The following NFIA variants were observed in gnomAD, a reference collection of about 807,000 sequenced individuals.
NFIA encodes the protein nuclear factor 1 A-type.
In NFIA, 8 loss-of-function variants were observed where a neutral mutation model predicts 62.8. The ratio of observed to expected loss-of-function variants is 0.13; its 90% CI spans 0.07 to 0.23. NFIA has a LOEUF of 0.23. Among genes scored for constraint, NFIA ranks in the 10% least tolerant of loss-of-function variants. NFIA has a pLI of 1.00. For synonymous variants in NFIA, 235 were observed against 238.1 expected (o/e 0.99, Z 0.12); for missense variants, 410 against 642.1 (o/e 0.64, Z 3.91).
chr1:61,248,594 T>G (rs967320636), intron 2 of NFIA, among the ~76,000 whole-genome samples: 7 of 152,212 alleles, frequency 4.6e-5, no homozygotes, highest in Non-Finnish European at 8.8e-5. Flanking sequence ...AGACAATTAA[T>G]GAAGGGGATT....
chr1:61,143,649 C>A (rs1393519358), intron 2 of NFIA, among the ~76,000 whole-genome samples: 2 of 152,142 alleles, frequency 1.3e-5, no homozygotes, highest in Non-Finnish European at 2.9e-5. Context: ...CCTTGGCCTC[C>A]CAAAGTGCTA....
chr1:61,145,095 A>T (rs1647829914), intron 2 of NFIA, among the ~76,000 whole-genome samples: 2 of 152,160 alleles, frequency 1.3e-5, no homozygotes, highest in African/African-American at 4.8e-5. Flanking sequence ...CTGCTTGTAG[A>T]TATTTTATTC....
At chr1:61,080,916 C>A (rs1005591045), upstream of NFIA, among the ~76,000 whole-genome samples, 2 of 152,154 alleles carry the variant, frequency 1.3e-5, no homozygotes, top group Admixed American at 6.5e-5. Flanking sequence ...GTATTTCCTG[C>A]CCCTTGCTTT....
intron 6 of NFIA, among the ~76,000 whole-genome samples, chr1:61,379,440 G>A (rs993952009): frequency 9.1e-6 from 1 of 110,138 alleles, no homozygotes; most frequent in Admixed American, 1.4e-4. Context: ...ATGGAATCTT[G>A]CTCTGTCAGT....
At chr1:61,345,117 C>T (rs903777473) in intron 4 of NFIA, among the ~76,000 whole-genome samples, 1 of 152,254 alleles carries the variant, frequency 6.6e-6, no homozygotes, top group East Asian at 1.9e-4. Context: ...GGATGAATGA[C>T]TTGGAAGTAA....
At chr1:61,387,774 A>G (rs1020502399) in intron 7 of NFIA, among the ~76,000 whole-genome samples, 2 of 152,244 alleles carry the variant, frequency 1.3e-5, no homozygotes, top group South Asian at 2.1e-4. Context: ...AATTGCATAT[A>G]AATGCACACA....
intron 2 of NFIA, among the ~76,000 whole-genome samples, chr1:61,273,821 A>G (rs1003307241): frequency 6.6e-6 from 1 of 152,224 alleles, no homozygotes; most frequent in African/African-American, 2.4e-5. Context: ...TCTAGGTGAA[A>G]GGGAAGATTT....
At chr1:61,168,647 A>G (rs1649742732) in intron 2 of NFIA, among the ~76,000 whole-genome samples, 1 of 152,170 alleles carries the variant, frequency 6.6e-6, no homozygotes, top group South Asian at 2.1e-4. Context: ...TTCTTGGATT[A>G]TATTCCTTAA....
At chr1:61,429,798 C>T (rs1667023834) in intron 10 of NFIA, among the ~76,000 whole-genome samples, 1 of 152,146 alleles carries the variant, frequency 6.6e-6, no homozygotes, top group South Asian at 2.1e-4. Flanking sequence ...ACATTCTGCT[C>T]AGTGAAATAA....
At chr1:61,239,792 C>G (rs187888238) in intron 2 of NFIA, among the ~76,000 whole-genome samples, 60 of 152,168 alleles carry the variant, frequency 3.9e-4, no homozygotes, top group African/African-American at 1.4e-3. Context: ...GTCTTTTCAT[C>G]AGATAGTGTT....
chr1:61,406,552 C>G lies in NFIA; in HGVS notation c.1255-10C>G, dbSNP rs746854752. 103 of 1,250,840 alleles carry G rather than the reference C, an allele frequency of 8.2e-5. 8 individuals carry two copies. Among genetic ancestry groups the G allele is most frequent in the African/African-American group, 2.1e-4 (13 of 60,668 alleles). 77.5% of individuals were successfully genotyped at this position (1,250,840 alleles called of 1,614,324 possible). A position where few individuals can be genotyped will look rare whatever the true frequency, so the allele number is the denominator to read the frequency against. ...TGTACGTGTGTTTTCTGCCCCCCCC[C>G]CCCCCACAGCCCAATGGGAGCAGCC... On this transcript the variant is annotated splice_polypyrimidine_tract_variant and intron_variant, in intron 8 of 10. Coordinates refer to ENST00000403491, the MANE Select transcript of NFIA (RefSeq NM_001134673.4).
At chr1:61,221,866 C>T (rs1457338544) in intron 2 of NFIA, among the ~76,000 whole-genome samples, 1 of 152,092 alleles carries the variant, frequency 6.6e-6, no homozygotes, top group Non-Finnish European at 1.5e-5. Flanking sequence ...CCGTATGATG[C>T]TGTTGTCAGA....
rs1414767924 is a variant in NFIA at position 61,242,998 on chromosome 1, C to A, written c.560-34522C>A. Reference sequence around the variant, plus strand: ...CACAAGGGGTAGTCAAGAAATGTGACTTTTCGGTCCTTTTTTTAATGATTT... The same window carrying A: ...CACAAGGGGTAGTCAAGAAATGTGAATTTTCGGTCCTTTTTTTAATGATTT... On this transcript the variant is annotated intron_variant, in intron 2 of 10. Coordinates refer to ENST00000403491, the MANE Select transcript of NFIA (RefSeq NM_001134673.4). Among the ~76,000 whole-genome samples, 3 of 151,762 alleles carry A rather than the reference C, an allele frequency of 2.0e-5. No individual in the cohort carries two copies. The South Asian group carries it at 6.2e-4, about 32-fold the overall frequency.
chr1:61,162,128 A>C (rs1007863347), intron 2 of NFIA, among the ~76,000 whole-genome samples: 9 of 152,132 alleles, frequency 5.9e-5, no homozygotes, highest in African/African-American at 2.2e-4. Flanking sequence ...TTTTAAGTTG[A>C]AAAGTATGCG....
chr1:61,412,951 T>C (rs1383192646), intron 9 of NFIA, among the ~76,000 whole-genome samples: 1 of 152,066 alleles, frequency 6.6e-6, no homozygotes, highest in African/African-American at 2.4e-5. Flanking sequence ...AATGGACTTT[T>C]CCAGAAAAAA....
intron 3 of NFIA, among the ~76,000 whole-genome samples, chr1:61,295,943 G>C (rs972307302): frequency 1.3e-5 from 2 of 152,148 alleles, no homozygotes; most frequent in Non-Finnish European, 2.9e-5. Flanking sequence ...GTTGAATATG[G>C]TAACAAAGCT....
chr1:61,314,547 A>G (rs1350706793), intron 3 of NFIA, among the ~76,000 whole-genome samples: 1 of 152,244 alleles, frequency 6.6e-6, no homozygotes, highest in Non-Finnish European at 1.5e-5. Context: ...CCTGATTATT[A>G]CTTACAGAAT....
rs567385488 is a variant in NFIA at position 61,113,017 on chromosome 1, G to A, written c.559+24337G>A. Reference sequence around the variant, plus strand: ...TAGCCCTAAAAATGTGATAAGATCAGGAATAAGATTGGAATGAAAATTTCT... The same window carrying A: ...TAGCCCTAAAAATGTGATAAGATCAAGAATAAGATTGGAATGAAAATTTCT... On this transcript the variant is annotated intron_variant, in intron 2 of 10. Transcript: ENST00000403491. Among the ~76,000 whole-genome samples, 74 of 152,172 alleles carry A rather than the reference G, an allele frequency of 4.9e-4. 1 individual carries two copies. Among genetic ancestry groups the A allele is most frequent in the African/African-American group, 1.6e-3 (65 of 41,510 alleles).
chr1:61,445,727 T>G (rs1030565981), intron 10 of NFIA, among the ~76,000 whole-genome samples: 3 of 152,246 alleles, frequency 2.0e-5, no homozygotes, highest in Non-Finnish European at 2.9e-5. Context: ...GACACACACA[T>G]ACCTCCCATC....
Sources: allele counts gnomAD v4.1 joint callset (sites outside exome capture counted in the v4.1 genomes callset), GRCh38; gene constraint gnomAD v4.1.1; transcripts MANE v1.5; gene names NCBI Gene and HGNC (gene_info 2026-07-23, HGNC 2026-07-21).